The following KAT6A variants were observed in gnomAD, a reference collection of about 807,000 sequenced individuals.
KAT6A encodes the protein histone acetyltransferase KAT6A.
A neutral mutation model predicts 198.4 loss-of-function variants in KAT6A; 9 were observed. The observed-to-expected ratio is 0.05, with a 90% CI of 0.03 to 0.08. KAT6A has a LOEUF of 0.08. Among genes scored for constraint, KAT6A ranks in the 10% least tolerant of loss-of-function variants. The pLI is 1.00. For synonymous variants in KAT6A, 890 were observed against 883.0 expected, an observed-to-expected ratio of 1.01 and a Z score of -0.14; for missense variants, 2,077 against 2,509.9, an observed-to-expected ratio of 0.83 and a Z score of 3.69.
intron 2 of KAT6A, 125 bp downstream of exon 2, chr8:42,048,253 A>G: frequency 1.0e-6 from 1 of 958,396 alleles, no homozygotes. Context: ...ACCAATAAAA[A>G]ACCAGAGGTG....
At chr8:41,942,721 A>T in intron 14 of KAT6A, 72 bp downstream of exon 14, 1 of 1,469,178 alleles carries the variant, frequency 6.8e-7, no homozygotes, top group Non-Finnish European at 9.4e-7. Context: ...ATCATAATAC[A>T]TTATTATAAA....
At chr8:41,948,235 C>T (rs140555768) in intron 10 of KAT6A, among the ~76,000 whole-genome samples, 47 of 152,284 alleles carry the variant, frequency 3.1e-4, no homozygotes, top group Admixed American at 2.7e-3. Flanking sequence ...TAGCAAGTTT[C>T]GTTTTCAAAG....
intron 6 of KAT6A, 81 bp downstream of exon 6, chr8:41,978,561 C>T: frequency 7.0e-7 from 1 of 1,435,622 alleles, no homozygotes; most frequent in Non-Finnish European, 9.5e-7. Context: ...GAATTTTTTT[C>T]ATAGAGAAAA....
chr8:42,025,368 T>C (rs371563405), intron 2 of KAT6A, among the ~76,000 whole-genome samples: 1 of 82,650 alleles, frequency 1.2e-5, no homozygotes, highest in African/African-American at 7.3e-5. Flanking sequence ...CCCACCACCA[T>C]GCCTGGCTAA....
At position 41,974,784 on chromosome 8, in the gene KAT6A, C is replaced by T. The variant is rs1823966707; in HGVS notation, c.1402G>A (p.Glu468Lys). ...ATTTCCTGGCTCCCAAAAAGTCGCT[C>T]CTCATTTTCTTGTTTGCCATCCCAG... ...DGWDGKQENE[E>K]RLFGSQEIMT... The change falls in exon 8 of 17, where the codon GAG (glutamate) becomes AAG (lysine). Residue 468 changes from glutamate to lysine, a missense_variant. Physicochemically the swap from Glu to Lys is moderately conservative, Grantham distance 56. This residue lies in a region of KAT6A where 206 missense variants were observed against 214.9 expected (regional missense o/e 0.96). Coordinates refer to ENST00000265713, the MANE Select transcript of KAT6A (RefSeq NM_006766.5). The T allele has an allele frequency of 6.2e-6, 10 of 1,610,266 alleles. No homozygotes were observed. The East Asian group carries it at 2.2e-4, about 36-fold the overall frequency.
At chr8:41,974,864 T>TG in intron 7 of KAT6A, 42 bp from the exon 8 acceptor site, 1 of 1,258,664 alleles carries the variant, frequency 7.9e-7, no homozygotes, top group Non-Finnish European at 1.1e-6. Flanking sequence ...TGTCCCCAGA[T>TG]TAATACATGA....
chr8:42,031,057 A>C (rs1827092554), intron 2 of KAT6A, among the ~76,000 whole-genome samples: 1 of 149,768 alleles, frequency 6.7e-6, no homozygotes, highest in South Asian at 2.1e-4. Context: ...GGACAGGAGA[A>C]ATGTATACAT....
Position 41,980,923 on chromosome 8 carries a change from T to C in KAT6A, c.830A>G (p.Asn277Ser), listed in dbSNP as rs1398284371. 26 of 1,609,668 alleles carry C rather than the reference T, an allele frequency of 1.6e-5. No homozygotes were observed. The highest frequency in any genetic ancestry group is 2.0e-5 in the Non-Finnish European group (23 of 1,176,908). The part of the protein sequence containing the change: ...SCRDQGKNAD[N>S]MLFCDSCDRG... ...GTCACATGAATCACAAAAGAGCATG[T>C]TATCCTATTAGAAAAAAGAAAGGAC... Residue 277 changes from asparagine (N) to serine (S), a missense_variant, in exon 5 of 17, where the codon AAC becomes AGC. Physicochemically the swap from Asn to Ser is conservative, Grantham distance 46 (BLOSUM62 1). Transcript: ENST00000265713.
chr8:41,955,660 TAATAAC>T (rs1822884849), intron 8 of KAT6A, among the ~76,000 whole-genome samples: 1 of 152,222 alleles, frequency 6.6e-6, no homozygotes, highest in African/African-American at 2.4e-5. Context: ...TTTCTACATT[TAATAAC>T]AGTAAAAATA....
intron 2 of KAT6A, among the ~76,000 whole-genome samples, chr8:42,000,895 C>T (rs145740100): frequency 2.0e-5 from 3 of 152,252 alleles, no homozygotes; most frequent in Admixed American, 1.3e-4. Flanking sequence ...ACAAAAGTGA[C>T]ATTCAAAGTC....
At chr8:42,002,512 G>C (rs1194482399) in intron 2 of KAT6A, among the ~76,000 whole-genome samples, 1 of 152,130 alleles carries the variant, frequency 6.6e-6, no homozygotes, top group Non-Finnish European at 1.5e-5. Flanking sequence ...AGTGAGCCAA[G>C]ACAGCATCAC....
intron 2 of KAT6A, among the ~76,000 whole-genome samples, chr8:42,018,843 C>G (rs1826390724): frequency 6.6e-6 from 1 of 152,264 alleles, no homozygotes; most frequent in Non-Finnish European, 1.5e-5. Context: ...ATAGCCTGAA[C>G]TGGGGAGGCA....
intron 9 of KAT6A, among the ~76,000 whole-genome samples, chr8:41,950,305 T>C (rs1016134794): frequency 1.3e-5 from 2 of 152,218 alleles, no homozygotes; most frequent in African/African-American, 4.8e-5. Flanking sequence ...GTTATAAACT[T>C]CATCATCTAA....
intron 8 of KAT6A, among the ~76,000 whole-genome samples, chr8:41,972,545 T>C (rs1248861756): frequency 6.6e-6 from 1 of 152,180 alleles, no homozygotes; most frequent in Non-Finnish European, 1.5e-5. Flanking sequence ...ACAGCACACC[T>C]GTGGAATTTT....
At position 41,943,792 on chromosome 8, in the gene KAT6A, A is replaced by C; in HGVS notation, c.2184T>G (p.Thr728=). ...GCATTCGTAGGTGGTGGAGTGTGGAAGTGATGTCTTGAGGGCAGATTCCAG... is the reference window on the plus strand; with the variant it reads ...GCATTCGTAGGTGGTGGAGTGTGGACGTGATGTCTTGAGGGCAGATTCCAG... The part of the protein sequence containing the change: ...KLTGICPQDI[T]STLHHLRMLD... Residue 728 remains threonine (T), a synonymous_variant, in exon 13 of 17, where the codon ACT becomes ACG. Coordinates refer to ENST00000265713, the MANE Select transcript of KAT6A (RefSeq NM_006766.5). The C allele has an allele frequency of 6.2e-7, 1 of 1,613,996 alleles. No homozygotes were observed. The highest frequency in any genetic ancestry group is 8.5e-7 in the Non-Finnish European group (1 of 1,179,960).
chr8:41,970,691 A>G (rs1823746154), intron 8 of KAT6A, among the ~76,000 whole-genome samples: 1 of 152,246 alleles, frequency 6.6e-6, no homozygotes. Context: ...AGAACTAGAA[A>G]TACCATTTGA....
intron 12 of KAT6A, 118 bp from the exon 13 acceptor site, chr8:41,944,097 C>CA: frequency 2.6e-5 from 16 of 617,350 alleles, no homozygotes; most frequent in South Asian, 1.2e-4. Context: ...TAAATTCCTT[C>CA]CAAAAAAAAA....
At chr8:41,977,841 A>G (rs1824137674) in intron 6 of KAT6A, among the ~76,000 whole-genome samples, 2 of 152,240 alleles carry the variant, frequency 1.3e-5, no homozygotes, top group African/African-American at 4.8e-5. Flanking sequence ...TTTTGAATAT[A>G]GACTACAATA....
rs928921581 is a variant in KAT6A, at chr8:41,932,582, A to G, written c.5638T>C (p.Ser1880Pro). ...HQQQLYGRSP[S>P]AVAMQAGPRA... ...GGGCCAGCCTGCATGGCAACTGCCG[A>G]TGGGCTACGGCCATACAGCTGCTGC... is the stretch of plus-strand genomic sequence containing the variant. The change falls in exon 17 of 17, where the codon TCG becomes CCG. Residue 1880 changes from serine (S) to proline (P), a missense_variant. By Grantham distance (74) the Ser-to-Pro change is moderately conservative. Transcript: ENST00000265713. 1.2e-6 allele frequency: 2 copies of G among 1,614,102 alleles called. No homozygotes were observed. The highest frequency in any genetic ancestry group is 1.3e-5 in the African/African-American group (1 of 74,946).
Sources: gnomAD v4.1 joint callset for allele counts (sites outside exome capture counted in the v4.1 genomes callset) on GRCh38, gnomAD v4.1.1 for gene constraint, gnomAD v4.1.1 regional missense constraint, MANE v1.5 for transcripts, NCBI Gene and HGNC (gene_info 2026-07-23, HGNC 2026-07-21) for gene names.